Variants in TOP3B observed in about 807,000 individuals in gnomAD.
TOP3B encodes DNA topoisomerase III beta, also known as DNA topoisomerase 3-beta-1.
In TOP3B, 45 loss-of-function variants were observed where a neutral mutation model predicts 93.9. The ratio of observed to expected loss-of-function variants is 0.48; its 90% CI spans 0.38 to 0.61. The LOEUF (loss-of-function observed/expected upper bound fraction) is 0.61, where lower values mean the gene tolerates loss of function less well. Among genes scored for constraint, TOP3B ranks in the 20% least tolerant of loss-of-function variants. The pLI is 0.00. For missense variants in TOP3B, 750 were observed against 1,156.1 expected, an observed-to-expected ratio of 0.65 and a Z score of 5.09; for synonymous variants, 357 against 472.6, an observed-to-expected ratio of 0.76 and a Z score of 3.17.
chr22:21,973,254 C>A (rs939587143), intron 3 of TOP3B: 6 of 162,064 alleles, frequency 3.7e-5, no homozygotes, highest in Admixed American at 2.3e-4. Flanking sequence ...GCATGCTCAG[C>A]TGTCTGGCTT....
chr22:21,972,363 C>T (rs368145863), intron 4 of TOP3B: 32 of 476,110 alleles, frequency 6.7e-5, no homozygotes, highest in East Asian at 4.1e-4. Flanking sequence ...AAAAACCCCC[C>T]GACCAAACAA....
intron 13 of TOP3B, chr22:21,961,141 AGAGAATCTCACATGG>A (rs1469119715): frequency 1.3e-5 from 2 of 152,334 alleles, no homozygotes; most frequent in Non-Finnish European, 2.9e-5. Context: ...AGTAGCTCGG[AGAGAATCTCACATGG>A]GAAGAAACTG....
intron 1 of TOP3B, among the ~76,000 whole-genome samples, chr22:21,981,120 A>C (rs2084622467): frequency 6.6e-6 from 1 of 152,176 alleles, no homozygotes; most frequent in Admixed American, 6.5e-5. Flanking sequence ...AAAGTAGGAA[A>C]TTTTGTCCTA....
chr22:21,982,292 C>T (rs1004011325), intron 1 of TOP3B: 7 of 152,154 alleles, frequency 4.6e-5, no homozygotes, highest in African/African-American at 1.7e-4. Flanking sequence ...GGTCAGAGAA[C>T]CTGGGTGCCC....
At chr22:21,968,956 C>T (rs2145857288) in intron 6 of TOP3B, 181 bp from the exon 7 acceptor site, 2 of 614,914 alleles carry the variant, frequency 3.3e-6, no homozygotes, top group East Asian at 5.6e-5. Flanking sequence ...CATGTGTGTA[C>T]ATGGGTGACA....
intron 1 of TOP3B, chr22:21,976,681 C>CA (rs1425439911): frequency 1.6e-4 from 25 of 152,304 alleles, no homozygotes; most frequent in African/African-American, 6.0e-4. Context: ...AAATAGGACA[C>CA]GATGGGCTTT....
At position 21,970,406 on chromosome 22, in the gene TOP3B, C is replaced by A; in HGVS notation, c.385G>T (p.Val129Phe). 1.2e-6 allele frequency: 2 copies of A among 1,613,428 alleles called. No individual in the cohort carries two copies. Among genetic ancestry groups the A allele is most frequent in the Non-Finnish European group, 1.7e-6 (2 of 1,179,766 alleles). ...DKEGENICFE[V>F]LDAVLPVMNK... ...ATGACGGGCAGAACAGCATCAAGAA[C>A]CTGGGGGTGGGGAGTGGCCAGCTGT... The change falls in exon 6 of 18, where the codon GTT (valine) becomes TTT (phenylalanine). Residue 129 changes from valine to phenylalanine, a missense_variant and splice_region_variant. Physicochemically the swap from Val to Phe is conservative, Grantham distance 50. This residue lies in a region of TOP3B where 737 missense variants were observed against 933.7 expected (regional missense o/e 0.79). Transcript: ENST00000357179. This position sits in a 1 kb window ranked among gnomAD's most constrained non-coding sequence, Gnocchi z 4.4.
chr22:21,970,434 C>T lies in TOP3B; in HGVS notation c.385-28G>A. The stretch of plus-strand genomic sequence containing the variant: ...GGGGGTGGGGAGTGGCCAGCTGTGA[C>T]CCACCTCCCAGATCCCTGCCACAGC... On this transcript the variant is annotated intron_variant, in intron 5 of 17. Coordinates refer to ENST00000357179, the MANE Select transcript of TOP3B (RefSeq NM_001282112.2). The surrounding 1 kb of genome is among the most constrained non-coding windows in gnomAD (Gnocchi z 4.4). The T allele has an allele frequency of 1.2e-6, 2 of 1,606,710 alleles. No homozygotes were observed. Among genetic ancestry groups the T allele is most frequent in the Non-Finnish European group, 8.5e-7 (1 of 1,176,654 alleles).
At chr22:21,981,684 C>T (rs1450766428) in intron 1 of TOP3B, among the ~76,000 whole-genome samples, 1 of 152,072 alleles carries the variant, frequency 6.6e-6, no homozygotes, top group Non-Finnish European at 1.5e-5. Context: ...GTAATCCCAG[C>T]TACTCAGGAG....
In TOP3B at chr22:21,964,037, G is replaced by C; in HGVS notation, c.1099-9C>G. 6.2e-7 allele frequency: 1 copy of C among 1,604,454 alleles called. No individual in the cohort carries two copies. The highest frequency in any genetic ancestry group is 8.5e-7 in the Non-Finnish European group (1 of 1,174,980). ...GCTAACAACCGCTTCACCTGAGGGA[G>C]AGAAGACAGAGCAGAGTCTGTGGCT... On this transcript the variant is annotated splice_polypyrimidine_tract_variant and intron_variant, in intron 10 of 17. Coordinates refer to ENST00000357179, the MANE Select transcript of TOP3B (RefSeq NM_001282112.2).
At chr22:21,979,996 A>G (rs921818334) in intron 1 of TOP3B, among the ~76,000 whole-genome samples, 4 of 151,130 alleles carry the variant, frequency 2.6e-5, no homozygotes, top group African/African-American at 9.7e-5. Context: ...AGCACCTGGC[A>G]GCATTACAAA....
chr22:21,962,427 A>G lies in TOP3B; in HGVS notation c.1525+2T>C. ...CTCTGGGGCCTGGGCAGGCGCACCCACCGATGCCATGCTTCTCCATGAGCG... is the reference window on the plus strand; with the variant it reads ...CTCTGGGGCCTGGGCAGGCGCACCCGCCGATGCCATGCTTCTCCATGAGCG... On this transcript the variant is annotated splice_donor_variant, in intron 13 of 17. Transcript: ENST00000357179. LOFTEE classifies it high-confidence loss of function. 6.2e-7 allele frequency: 1 copy of G among 1,613,366 alleles called. No individual in the cohort carries two copies. The highest frequency in any genetic ancestry group is 8.5e-7 in the Non-Finnish European group (1 of 1,180,008).
Position 21,963,932 on chromosome 22 carries a change from C to CCT in TOP3B, c.1193_1194dup (p.Ala399ArgfsTer4). 6.2e-7 allele frequency: 1 copy of CCT among 1,613,680 alleles called. No individual in the cohort carries two copies. Among genetic ancestry groups the CCT allele is most frequent in the Non-Finnish European group, 8.5e-7 (1 of 1,179,970 alleles). ...GGGATGAGAGCGGTACCTAATTCGGCCTCTGTGGCAGACTTCATGGGGGTG... is the reference window on the plus strand; with the variant it reads ...GGGATGAGAGCGGTACCTAATTCGGCCTCTCTGTGGCAGACTTCATGGGGGTG... On this transcript the variant is annotated frameshift_variant, in exon 11 of 18. Coordinates refer to ENST00000357179, the MANE Select transcript of TOP3B (RefSeq NM_001282112.2). LOFTEE classifies it high-confidence loss of function. The surrounding 1 kb of genome is among the most constrained non-coding windows in gnomAD (Gnocchi z 4.8).
intron 13 of TOP3B, 34 bp downstream of exon 13, chr22:21,962,395 G>A (rs1372158962): frequency 6.2e-7 from 1 of 1,611,916 alleles, no homozygotes; most frequent in Non-Finnish European, 8.5e-7. Flanking sequence ...ACTGGAGACG[G>A]AGCCGGCTCT....
Position 21,974,410 on chromosome 22 carries a change from A to G in TOP3B, c.149T>C (p.Val50Ala), listed in dbSNP as rs911545189. 55 of 1,614,040 alleles carry G rather than the reference A, an allele frequency of 3.4e-5. No homozygotes were observed. The Admixed American group carries it at 8.5e-4, about 25-fold the overall frequency. ...ACAGACAGACGTCATCTTGAAGCGCACTGGCTGGCCAGCAAAGGTCCCAGT... is the reference window on the plus strand; with the variant it reads ...ACAGACAGACGTCATCTTGAAGCGCGCTGGCTGGCCAGCAAAGGTCCCAGT... ...EYTGTFAGQPVRFKMTSVCGH... is the reference protein window; with the variant it reads ...EYTGTFAGQPARFKMTSVCGH... Residue 50 changes from valine to alanine, a missense_variant, in exon 3 of 18, where the codon GTG (valine) becomes GCG (alanine). Physicochemically the swap from Val to Ala is moderately conservative, Grantham distance 64. Transcript: ENST00000357179.
At chr22:21,958,402 C>T (rs757483990) in intron 17 of TOP3B, 90 bp downstream of exon 17, 10 of 1,593,416 alleles carry the variant, frequency 6.3e-6, no homozygotes, top group South Asian at 1.1e-5. Context: ...GGTGAGGGGT[C>T]CCCTCAGAGT....
intron 1 of TOP3B, chr22:21,976,452 A>G (rs961805848): frequency 1.3e-5 from 2 of 152,216 alleles, no homozygotes; most frequent in Admixed American, 6.5e-5. Flanking sequence ...ATCATCATCG[A>G]AGCAAACACG....
At position 21,964,269 on chromosome 22, in the gene TOP3B, C is replaced by T. The variant is rs761601693; in HGVS notation, c.990G>A (p.Thr330=). Residue 330 remains threonine, a synonymous_variant, in exon 10 of 18, where the codon ACG becomes ACA. Coordinates refer to ENST00000357179, the MANE Select transcript of TOP3B (RefSeq NM_001282112.2). ...TCCGTGGGTAGCTGATGTAGCCTTG[C>T]GTGTAGAGCCGCTCAGCCGTCTGCA... ...HAMQTAERLY[T]QGYISYPRTE... is the part of the protein sequence containing the mutation. 57 of 1,613,984 alleles carry T rather than the reference C, an allele frequency of 3.5e-5. 1 individual carries two copies. In the Admixed American group the frequency reaches 5.7e-4, roughly 16 times the overall value.
chr22:21,982,576 G>A (rs1263351154), intron 1 of TOP3B, 154 bp downstream of exon 1: 1 of 152,282 alleles, frequency 6.6e-6, no homozygotes, highest in African/African-American at 2.4e-5. Flanking sequence ...ACCCCCGCCA[G>A]GGAAGAGGCA....
Sources: gnomAD v4.1 joint callset for allele counts (sites outside exome capture counted in the v4.1 genomes callset) on GRCh38, gnomAD v4.1.1 for gene constraint, gnomAD v4.1.1 regional missense constraint, Gnocchi (gnomAD v3.1) non-coding constraint, MANE v1.5 for transcripts, NCBI Gene and HGNC (gene_info 2026-07-23, HGNC 2026-07-21) for gene names.